Variants in ZZEF1 observed in about 807,000 individuals in gnomAD.
ZZEF1 encodes zinc finger ZZ-type and EF-hand domain containing 1.
A neutral mutation model predicts 342.8 loss-of-function variants in ZZEF1; 157 were observed. That is an observed-to-expected ratio of 0.46 (90% CI 0.40 to 0.52). The LOEUF (loss-of-function observed/expected upper bound fraction) is 0.52, where lower values mean the gene tolerates loss of function less well. Ranked by LOEUF, ZZEF1 falls within the 20% of genes least tolerant of loss-of-function variation. The probability of loss-of-function intolerance (pLI) is 0.00; values close to 1 mark genes in which losing one functional copy is unlikely to be tolerated. For synonymous variants in ZZEF1, 1,505 were observed against 1,429.1 expected (o/e 1.05, Z -1.20); for missense variants, 3,480 against 3,725.6 (o/e 0.93, Z 1.72).
chr17:4,075,527 G>T, intron 21 of ZZEF1, 98 bp from the exon 22 acceptor site: 1 of 1,377,186 alleles, frequency 7.3e-7, no homozygotes, highest in Non-Finnish European at 9.9e-7. Context: ...CAGGCAGATG[G>T]CCTTGACAGC....
At chr17:4,136,215 G>A (rs1168112782) in intron 1 of ZZEF1, among the ~76,000 whole-genome samples, 1 of 149,570 alleles carries the variant, frequency 6.7e-6, no homozygotes, top group African/African-American at 2.5e-5. Flanking sequence ...ATGGGGGCAG[G>A]TGCCTGTAAT....
chr17:4,128,011 C>T (rs9900435), intron 1 of ZZEF1, among the ~76,000 whole-genome samples: 23,539 of 151,940 alleles, frequency 0.15, 2,011 homozygotes, highest in African/African-American at 0.22. Context: ...CCCAGGCCAC[C>T]GGGACATTTG....
chr17:4,064,331 A>G, intron 29 of ZZEF1, 30 bp downstream of exon 29: 2 of 1,528,378 alleles, frequency 1.3e-6, no homozygotes, highest in Non-Finnish European at 1.8e-6. Context: ...TTAAAAAGAG[A>G]AAGCGACAGG....
intron 28 of ZZEF1, among the ~76,000 whole-genome samples, chr17:4,066,034 G>A (rs2057385703): frequency 6.6e-6 from 1 of 152,078 alleles, no homozygotes. Context: ...AGGTGTTGTG[G>A]CACCTGCTTG....
intron 39 of ZZEF1, 84 bp from the exon 40 acceptor site, chr17:4,034,376 T>C: frequency 6.9e-7 from 1 of 1,443,824 alleles, no homozygotes; most frequent in Non-Finnish European, 9.5e-7. Flanking sequence ...TCCTACCTTA[T>C]TTACAGCTGG....
At position 4,017,284 on chromosome 17, in the gene ZZEF1, C is replaced by T; in HGVS notation, c.8001+87G>A. On this transcript the variant is annotated intron_variant, in intron 48 of 54. Transcript: ENST00000381638. The surrounding 1 kb of genome is among the most constrained non-coding windows in gnomAD (Gnocchi z 5.1). ...GGAGCTGCACAGCCACACAGGTAGC[C>T]TCGCTCCAGGAAGCACTCACTGGAG... is the stretch of plus-strand genomic sequence containing the variant. 1 of 1,515,430 alleles carries T rather than the reference C, an allele frequency of 6.6e-7. No homozygotes were observed. The highest frequency in any genetic ancestry group is 8.8e-7 in the Non-Finnish European group (1 of 1,132,932). 93.9% of individuals were successfully genotyped at this position (1,515,430 alleles called of 1,614,324 possible). A position where few individuals can be genotyped will look rare whatever the true frequency, so the allele number is the denominator to read the frequency against.
chr17:4,067,080 G>C (rs2057415007), intron 27 of ZZEF1, 83 bp downstream of exon 27: 2 of 1,171,728 alleles, frequency 1.7e-6, no homozygotes. Flanking sequence ...ATATTCTTGA[G>C]AAGAGAACAA....
At chr17:4,121,943 G>A (rs963175943) in intron 2 of ZZEF1, among the ~76,000 whole-genome samples, 1 of 151,974 alleles carries the variant, frequency 6.6e-6, no homozygotes, top group Non-Finnish European at 1.5e-5. Context: ...GTCTCAACTC[G>A]TGGCCTCAAG....
rs958758568 is a variant in ZZEF1 at position 4,082,217 on chromosome 17, C to T, written c.2714+220G>A. Among the ~76,000 whole-genome samples, 4 of 152,206 alleles carry T rather than the reference C, an allele frequency of 2.6e-5. No individual in the cohort carries two copies. The South Asian group carries it at 6.2e-4, about 24-fold the overall frequency. On this transcript the variant is annotated intron_variant, in intron 17 of 54. Coordinates refer to ENST00000381638, the MANE Select transcript of ZZEF1 (RefSeq NM_015113.4). ...CTGAAGTGTTCAAAAAGACCCTCAA[C>T]GGGCTCAATCTGAAATTGTCTTAAA...
chr17:4,019,554 C>T, intron 46 of ZZEF1, 115 bp downstream of exon 46: 1 of 913,470 alleles, frequency 1.1e-6, no homozygotes, highest in Non-Finnish European at 1.7e-6. Context: ...GCAACTGCTT[C>T]CCGGCCTGTC....
intron 14 of ZZEF1, among the ~76,000 whole-genome samples, chr17:4,086,873 A>T (rs1424350111): frequency 6.6e-6 from 1 of 151,992 alleles, no homozygotes; most frequent in Non-Finnish European, 1.5e-5. Context: ...GTGGGGAAGG[A>T]AGTTCATTTC....
In ZZEF1 at chr17:4,042,497, C is replaced by T; in HGVS notation, c.6238G>A (p.Val2080Met). ...CTCTTCTGGGAACACTCAGCAAACA[C>T]TTGCTCAGGGCTTGGAGTAACTGCT... is the stretch of plus-strand genomic sequence containing the variant. ...EKAVTPSPEQ[V>M]FAECSQKRIL... Residue 2080 changes from valine to methionine, a missense_variant, in exon 39 of 55, where the codon GTG becomes ATG. Transcript: ENST00000381638. The T allele has an allele frequency of 1.2e-6, 2 of 1,614,132 alleles. No homozygotes were observed. Among genetic ancestry groups the T allele is most frequent in the Non-Finnish European group, 1.7e-6 (2 of 1,180,014 alleles).
intron 37 of ZZEF1, among the ~76,000 whole-genome samples, 171 bp from the exon 38 acceptor site, chr17:4,044,545 A>T (rs2056870713): frequency 6.6e-6 from 1 of 151,990 alleles, no homozygotes; most frequent in Non-Finnish European, 1.5e-5. Context: ...TTTGAGATAG[A>T]GTCTCACTCT....
intron 37 of ZZEF1, among the ~76,000 whole-genome samples, chr17:4,048,325 CT>C (rs2056970174): frequency 6.6e-6 from 1 of 152,216 alleles, no homozygotes; most frequent in Admixed American, 6.5e-5. Flanking sequence ...GTTGATGTTT[CT>C]GCTGGCCAGT....
intron 30 of ZZEF1, among the ~76,000 whole-genome samples, chr17:4,061,177 A>T (rs866153071): frequency 6.6e-6 from 1 of 152,160 alleles, no homozygotes; most frequent in Non-Finnish European, 1.5e-5. Flanking sequence ...TCGAACTCTC[A>T]CATTAGTATT....
chr17:4,036,885 G>A (rs34453556), intron 39 of ZZEF1, among the ~76,000 whole-genome samples: 1,745 of 149,100 alleles, frequency 0.012, 20 homozygotes, highest in Non-Finnish European at 0.02. Context: ...CTGGGGAGCA[G>A]TGACACCCTG....
In ZZEF1 at chr17:4,088,837, C is replaced by T. The variant is rs764458478; in HGVS notation, c.2082G>A (p.Val694=). ...TRQESAERLG[V]QGLTISGYLR... is the part of the protein sequence containing the mutation. Reference sequence around the variant, plus strand: ...GGTACCCACTGATGGTCAAGCCTTGCACTCCCAAGCGCTCTGCTGACTCCT... The same window carrying T: ...GGTACCCACTGATGGTCAAGCCTTGTACTCCCAAGCGCTCTGCTGACTCCT... Residue 694 remains valine, a synonymous_variant, in exon 13 of 55, where the codon GTG becomes GTA. Transcript: ENST00000381638. 1.6e-5 allele frequency: 26 copies of T among 1,614,050 alleles called. No individual in the cohort carries two copies. The African/African-American group carries it at 1.7e-4, about 11-fold the overall frequency.
chr17:4,035,472 C>A (rs2056639554), intron 39 of ZZEF1, among the ~76,000 whole-genome samples: 1 of 152,042 alleles, frequency 6.6e-6, no homozygotes, highest in Non-Finnish European at 1.5e-5. Flanking sequence ...TGTCAGAACC[C>A]AAGCAGGGTA....
chr17:4,128,592 T>G (rs901276849), intron 1 of ZZEF1, among the ~76,000 whole-genome samples: 12 of 151,060 alleles, frequency 7.9e-5, no homozygotes, highest in Non-Finnish European at 1.6e-4. Context: ...CCCGAGTAGC[T>G]GGGACCACAG....
Sources: allele counts gnomAD v4.1 joint callset (sites outside exome capture counted in the v4.1 genomes callset), GRCh38; gene constraint gnomAD v4.1.1; non-coding constraint Gnocchi (gnomAD v3.1); transcripts MANE v1.5; gene names NCBI Gene and HGNC (gene_info 2026-07-23, HGNC 2026-07-21).